EPHX2: variants seen among roughly 807,000 people sequenced by gnomAD.
The protein encoded by EPHX2 is bifunctional epoxide hydrolase 2.
Under a neutral mutation model 78.7 loss-of-function variants are expected in EPHX2, and 74 were observed. The ratio of observed to expected loss-of-function variants is 0.94; its 90% CI spans 0.78 to 1.14. EPHX2 has a LOEUF of 1.14. EPHX2 is among the 50% of genes most tolerant of loss of function. The pLI is 0.00. For missense variants in EPHX2, 715 were observed against 702.5 expected (o/e 1.02, Z -0.20); for synonymous variants, 251 against 255.2 (o/e 0.98, Z 0.16).
Position 27,544,913 on chromosome 8 carries a change from G to A in EPHX2, c.*391G>A, listed in dbSNP as rs758383869. 1.8e-5 allele frequency: 4 copies of A among 217,218 alleles called. No individual in the cohort carries two copies. Among genetic ancestry groups the A allele is most frequent in the Non-Finnish European group, 3.7e-5 (4 of 108,406 alleles). 13.5% of individuals were successfully genotyped at this position (217,218 alleles called of 1,614,324 possible). A position where few individuals can be genotyped will look rare whatever the true frequency, so the allele number is the denominator to read the frequency against. On this transcript the variant is annotated 3_prime_UTR_variant, in exon 19 of 19. Coordinates refer to ENST00000521400, the MANE Select transcript of EPHX2 (RefSeq NM_001979.6). ...ATGCCTTACTCAATAAAGCTAAGAT[G>A]ACTATGCTGCTGGCTGTCTTTGTTC...
At chr8:27,499,237 C>T (rs1275103275) in intron 1 of EPHX2, among the ~76,000 whole-genome samples, 1 of 152,176 alleles carries the variant, frequency 6.6e-6, no homozygotes, top group Non-Finnish European at 1.5e-5. Flanking sequence ...GCCCACCTCT[C>T]AATTTTAATT....
intron 6 of EPHX2, 32 bp from the exon 7 acceptor site, chr8:27,515,686 G>A (rs893380101): frequency 1.3e-6 from 2 of 1,597,622 alleles, no homozygotes; most frequent in Middle Eastern, 1.7e-4. Context: ...CCTGGTGCTT[G>A]GTCGCTGCCC....
intron 8 of EPHX2, among the ~76,000 whole-genome samples, chr8:27,517,611 C>T (rs2062916579): frequency 6.6e-6 from 1 of 152,212 alleles, no homozygotes; most frequent in Non-Finnish European, 1.5e-5. Context: ...GTCAACTGAT[C>T]TTTGACAAGG....
At chr8:27,504,318 C>T (rs1204024907) in intron 3 of EPHX2, among the ~76,000 whole-genome samples, 1 of 152,194 alleles carries the variant, frequency 6.6e-6, no homozygotes, top group African/African-American at 2.4e-5. Context: ...TGCAACTCTT[C>T]CCTCCTATTG....
intron 11 of EPHX2, among the ~76,000 whole-genome samples, chr8:27,524,349 G>C (rs1814751282): frequency 6.6e-6 from 1 of 152,080 alleles, no homozygotes; most frequent in Non-Finnish European, 1.5e-5. Flanking sequence ...GTCTCTCAGT[G>C]CTTGATTAAT....
chr8:27,525,759 G>A (rs1247345713), intron 12 of EPHX2, among the ~76,000 whole-genome samples: 3 of 152,152 alleles, frequency 2.0e-5, no homozygotes, highest in African/African-American at 7.2e-5. Flanking sequence ...GGGGCTCAAT[G>A]CTCAGGTAGA....
intron 1 of EPHX2, among the ~76,000 whole-genome samples, chr8:27,499,820 C>T (rs763803036): frequency 3.3e-5 from 5 of 150,756 alleles, no homozygotes; most frequent in Non-Finnish European, 7.4e-5. Flanking sequence ...TGAGGCCTCT[C>T]TCCTTGGCTT....
intron 1 of EPHX2, 81 bp downstream of exon 1, chr8:27,491,390 G>A: frequency 9.2e-7 from 1 of 1,084,762 alleles, no homozygotes; most frequent in Non-Finnish European, 1.2e-6. Flanking sequence ...CCAGCTTTCA[G>A]ATTGCTCCTG....
chr8:27,491,161 C>G lies in EPHX2; in HGVS notation c.-48C>G. On this transcript the variant is annotated 5_prime_UTR_variant, in exon 1 of 19. The change creates a new upstream start codon in the 5' untranslated region. Coordinates refer to ENST00000521400, the MANE Select transcript of EPHX2 (RefSeq NM_001979.6). ...GTCATGCGCCCTGGCCTTCGCGCAT[C>G]TCCCAGGTTAGCTGCGTGTCCGGGT... 2.0e-6 allele frequency: 3 copies of G among 1,524,404 alleles called. No individual in the cohort carries two copies. The highest frequency in any genetic ancestry group is 2.4e-5 in the South Asian group (2 of 83,558). The allele number at this position is 1,524,404 out of a possible 1,614,324, so 94.4% of individuals were successfully genotyped here.
chr8:27,499,732 C>T (rs773821952), intron 1 of EPHX2, among the ~76,000 whole-genome samples: 7 of 152,202 alleles, frequency 4.6e-5, no homozygotes, highest in Non-Finnish European at 7.3e-5. Flanking sequence ...GACTGGATGG[C>T]AACAATGGAA....
At position 27,503,741 on chromosome 8, in the gene EPHX2, A is replaced by G; in HGVS notation, c.324A>G (p.Ala108=). ...ARKINRPMLQ[A]ALMLRKKGFT... Reference sequence around the variant, plus strand: ...AGATCAACCGCCCCATGCTCCAGGCAGCTCTCATGCTCAGGAAGAAAGGTA... The same window carrying G: ...AGATCAACCGCCCCATGCTCCAGGCGGCTCTCATGCTCAGGAAGAAAGGTA... Residue 108 remains alanine (A), a synonymous_variant, in exon 3 of 19, where the codon GCA becomes GCG. Transcript: ENST00000521400. 1 of 1,612,850 alleles carries G rather than the reference A, an allele frequency of 6.2e-7. No homozygotes were observed. The highest frequency in any genetic ancestry group is 8.5e-7 in the Non-Finnish European group (1 of 1,179,964).
chr8:27,513,368 C>T (rs548914443), intron 6 of EPHX2, among the ~76,000 whole-genome samples: 5 of 152,154 alleles, frequency 3.3e-5, no homozygotes, highest in Non-Finnish European at 7.3e-5. Context: ...AGGGGCTTTT[C>T]GCCCAGGGCT....
rs576291220 is a variant in EPHX2, at chr8:27,494,907, C to T, written c.101+3598C>T. On this transcript the variant is annotated intron_variant, in intron 1 of 18. Transcript: ENST00000521400. The stretch of plus-strand genomic sequence containing the variant: ...CCCCATGAAAGTCCTCATTCTGTTT[C>T]GGTTGGGGAATACTGGGGCTTAATC... Among the ~76,000 whole-genome samples the T allele has an allele frequency of 6.6e-5, 10 of 152,340 alleles. No homozygotes were observed. In the East Asian group the frequency reaches 1.4e-3, roughly 21 times the overall value.
At chr8:27,525,107 TGCGC>T (rs1182901102) in intron 11 of EPHX2, among the ~76,000 whole-genome samples, 7 of 103,456 alleles carry the variant, frequency 6.8e-5, no homozygotes, top group East Asian at 3.1e-4. Flanking sequence ...TGTGTGTGTG[TGCGC>T]GCGCGCGCGC....
intron 5 of EPHX2, among the ~76,000 whole-genome samples, chr8:27,509,831 C>G (rs961846828): frequency 3.3e-5 from 5 of 152,226 alleles, no homozygotes; most frequent in African/African-American, 1.2e-4. Flanking sequence ...TCATGAACAG[C>G]CTTTGTAAAT....
intron 10 of EPHX2, among the ~76,000 whole-genome samples, chr8:27,521,540 G>A (rs772840687): frequency 6.6e-6 from 1 of 152,198 alleles, no homozygotes; most frequent in African/African-American, 2.4e-5. Flanking sequence ...GAGTCAGAGA[G>A]GATCTAGGAG....
intron 10 of EPHX2, among the ~76,000 whole-genome samples, chr8:27,521,986 T>G (rs939070541): frequency 6.6e-6 from 1 of 152,124 alleles, no homozygotes. Flanking sequence ...AAGAGAGAGA[T>G]TAAAGATGCT....
At position 27,511,813 on chromosome 8, in the gene EPHX2, C is replaced by G. The variant is rs201241554; in HGVS notation, c.661-23C>G. Reference sequence around the variant, plus strand: ...GGAAGGAGGCTGCTGCTGTCTCTCTCACTATACCTTTCCTGCTTACAGCTT... The same window carrying G: ...GGAAGGAGGCTGCTGCTGTCTCTCTGACTATACCTTTCCTGCTTACAGCTT... On this transcript the variant is annotated intron_variant, in intron 5 of 18. Coordinates refer to ENST00000521400, the MANE Select transcript of EPHX2 (RefSeq NM_001979.6). 5.0e-6 allele frequency: 8 copies of G among 1,612,944 alleles called. No homozygotes were observed. The African/African-American group carries it at 9.3e-5, about 19-fold the overall frequency.
chr8:27,516,217 G>T (rs184851640), intron 7 of EPHX2, 103 bp from the exon 8 acceptor site: 199 of 1,162,816 alleles, frequency 1.7e-4, no homozygotes, highest in Non-Finnish European at 2.5e-4. Context: ...TGTGGCTCTT[G>T]GTTTGATCCA....
Sources: allele counts gnomAD v4.1 joint callset (sites outside exome capture counted in the v4.1 genomes callset), GRCh38; gene constraint gnomAD v4.1.1; transcripts MANE v1.5; gene names NCBI Gene and HGNC (gene_info 2026-07-23, HGNC 2026-07-21).